The following CRADD variants were observed in gnomAD, a reference collection of about 807,000 sequenced individuals.
The protein encoded by CRADD is CARD and death domain containing adaptor protein.
CRADD carries 9 observed loss-of-function variants against 15.5 expected under a neutral mutation model. The ratio of observed to expected loss-of-function variants is 0.58; its 90% CI spans 0.35 to 1.01. The LOEUF is 1.01. CRADD is among the 50% of genes least tolerant of loss of function. The pLI is 0.02. For missense variants in CRADD, 227 were observed against 250.3 expected (o/e 0.91, Z 0.63); for synonymous variants, 118 against 107.6 (o/e 1.10, Z -0.60).
chr12:93,838,214 G>GTTTTTTTTTTT (rs66564800), intron 2 of CRADD, among the ~76,000 whole-genome samples: 1 of 130,592 alleles, frequency 7.7e-6, no homozygotes, highest in African/African-American at 2.9e-5. Flanking sequence ...TCCTTTTGAG[G>GTTTTTTTTTTT]TTTTTTTTTT....
Position 93,817,199 on chromosome 12 carries a change from G to T in CRADD, c.299-32771G>T, listed in dbSNP as rs529516243. On this transcript the variant is annotated intron_variant, in intron 2 of 2. Transcript: ENST00000332896. The stretch of plus-strand genomic sequence containing the variant: ...CTAATTTGGAAGGAGGTCCATCGGA[G>T]ACTCAGATCTGGTCCTTCAAGAGAC... Among the ~76,000 whole-genome samples the T allele has an allele frequency of 4.2e-4, 64 of 152,274 alleles. 1 individual carries two copies. In the South Asian group the frequency reaches 0.013, roughly 31 times the overall value.
chr12:93,765,215 C>T (rs1053672011), intron 2 of CRADD, among the ~76,000 whole-genome samples: 1 of 152,120 alleles, frequency 6.6e-6, no homozygotes, highest in African/African-American at 2.4e-5. Flanking sequence ...GAGTTGCCTG[C>T]AGCTCAGAGA....
At chr12:93,802,227 G>A (rs1269522511) in intron 2 of CRADD, among the ~76,000 whole-genome samples, 3 of 152,216 alleles carry the variant, frequency 2.0e-5, no homozygotes, top group Admixed American at 2.0e-4. Flanking sequence ...TTGCTGGATT[G>A]AATGGTACTT....
chr12:93,703,581 A>T (rs1411944075), intron 2 of CRADD, among the ~76,000 whole-genome samples: 3 of 151,922 alleles, frequency 2.0e-5, no homozygotes, highest in African/African-American at 7.3e-5. Context: ...AGGCTGGTGT[A>T]GAACTTCTGA....
chr12:93,771,870 G>A (rs1207709694), intron 2 of CRADD, among the ~76,000 whole-genome samples: 1 of 152,088 alleles, frequency 6.6e-6, no homozygotes, highest in Non-Finnish European at 1.5e-5. Flanking sequence ...TGTATAGTGG[G>A]TGCACTTATA....
At chr12:93,892,573 A>G (rs901752014) in intron 2 of CRADD, among the ~76,000 whole-genome samples, 1 of 150,468 alleles carries the variant, frequency 6.6e-6, no homozygotes, top group Non-Finnish European at 1.5e-5. Flanking sequence ...ATCTCCCTTC[A>G]AGGAACCCTG....
rs190148932 is a variant in CRADD, at chr12:93,702,482, C to T, written c.298+23410C>T. Among the ~76,000 whole-genome samples, 169 of 151,952 alleles carry T rather than the reference C, an allele frequency of 1.1e-3. 1 individual carries two copies. The highest frequency in any genetic ancestry group is 3.0e-3 in the Admixed American group (46 of 15,244). On this transcript the variant is annotated intron_variant, in intron 2 of 2. Coordinates refer to ENST00000332896, the MANE Select transcript of CRADD (RefSeq NM_003805.5). ...ATTCTGTTTCTCACCTTAAGAAAAT[C>T]CATCCTGAGTTAGCTTCAGTTGGTG... is the stretch of plus-strand genomic sequence containing the variant.
intron 2 of CRADD, among the ~76,000 whole-genome samples, chr12:93,838,505 C>G (rs1384670670): frequency 6.6e-6 from 1 of 151,644 alleles, no homozygotes; most frequent in African/African-American, 2.4e-5. Context: ...GACCTTCCCT[C>G]TCTCACTCTC....
intron 2 of CRADD, among the ~76,000 whole-genome samples, chr12:93,762,177 A>T (rs924230024): frequency 6.6e-6 from 1 of 152,218 alleles, no homozygotes; most frequent in Non-Finnish European, 1.5e-5. Flanking sequence ...CTGCATCATG[A>T]TAGCTTCTAA....
At chr12:93,697,555 C>T (rs937719391) in intron 2 of CRADD, among the ~76,000 whole-genome samples, 2 of 152,116 alleles carry the variant, frequency 1.3e-5, no homozygotes, top group African/African-American at 2.4e-5. Context: ...TCATGTTATA[C>T]ACGATAAACG....
At chr12:93,681,306 G>A (rs2136789459) in intron 2 of CRADD, among the ~76,000 whole-genome samples, 1 of 152,290 alleles carries the variant, frequency 6.6e-6, no homozygotes, top group African/African-American at 2.4e-5. Flanking sequence ...CAAACAGAAT[G>A]AAGCAGTACA....
chr12:93,743,123 G>A (rs557662534), intron 2 of CRADD, among the ~76,000 whole-genome samples: 1 of 152,246 alleles, frequency 6.6e-6, no homozygotes, highest in African/African-American at 2.4e-5. Context: ...TTAATGTGGC[G>A]TATAGAGTAA....
chr12:93,727,187 T>C (rs1470099013), intron 2 of CRADD, among the ~76,000 whole-genome samples: 2 of 152,162 alleles, frequency 1.3e-5, no homozygotes, highest in Non-Finnish European at 2.9e-5. Context: ...TCAAGACAGG[T>C]GAATTTTTTC....
intron 2 of CRADD, among the ~76,000 whole-genome samples, chr12:93,713,986 GA>G (rs1240234557): frequency 6.6e-6 from 1 of 152,208 alleles, no homozygotes; most frequent in African/African-American, 2.4e-5. Flanking sequence ...TCACTGTGCA[GA>G]TGAGGTGATA....
At chr12:93,851,631 G>T (rs983352229), downstream of CRADD, among the ~76,000 whole-genome samples, 4 of 152,206 alleles carry the variant, frequency 2.6e-5, no homozygotes, top group African/African-American at 9.6e-5. Flanking sequence ...CTGAATAGTG[G>T]CTGAAAGCTG....
At chr12:93,859,801 T>TG in intron 2 of CRADD, among the ~76,000 whole-genome samples, 1 of 152,170 alleles carries the variant, frequency 6.6e-6, no homozygotes, top group Admixed American at 6.5e-5. Flanking sequence ...CACGGCTCAC[T>TG]GCAACCTCAG....
rs191986414 is a variant in CRADD, at chr12:93,677,404, A to C, written c.-75A>C. ...TTAACAAAGATGGTGCTTATGGGGCAGGTTCCCTAACAGTCAGGATTCCGG... is the reference window on the plus strand; with the variant it reads ...TTAACAAAGATGGTGCTTATGGGGCCGGTTCCCTAACAGTCAGGATTCCGG... On this transcript the variant is annotated 5_prime_UTR_variant, in exon 1 of 3. Transcript: ENST00000332896. 6.6e-5 allele frequency: 10 copies of C among 152,390 alleles called. No individual in the cohort carries two copies. In the East Asian group the frequency reaches 1.9e-3, roughly 29 times the overall value. The allele number at this position is 152,390 out of a possible 1,614,324, so 9.4% of individuals were successfully genotyped here. A position where few individuals can be genotyped will look rare whatever the true frequency, so the allele number is the denominator to read the frequency against.
chr12:93,772,720 A>G (rs1018831836), intron 2 of CRADD, among the ~76,000 whole-genome samples: 42 of 152,232 alleles, frequency 2.8e-4, no homozygotes, highest in African/African-American at 9.6e-4. Context: ...AGGAGCTTTT[A>G]TCTTCTACTG....
At chr12:93,805,191 C>A (rs1957523012) in intron 2 of CRADD, among the ~76,000 whole-genome samples, 1 of 151,684 alleles carries the variant, frequency 6.6e-6, no homozygotes, top group Non-Finnish European at 1.5e-5. Flanking sequence ...TTGTACATAT[C>A]CATTGAGGTT....
Sources: allele counts gnomAD v4.1 joint callset (sites outside exome capture counted in the v4.1 genomes callset), GRCh38; gene constraint gnomAD v4.1.1; transcripts MANE v1.5; gene names NCBI Gene and HGNC (gene_info 2026-07-23, HGNC 2026-07-21).